Variants in HM13 observed in about 807,000 individuals in gnomAD.
The protein encoded by HM13 is histocompatibility minor 13, also known as signal peptide peptidase.
A neutral mutation model predicts 50.0 loss-of-function variants in HM13; 18 were observed. The ratio of observed to expected loss-of-function variants is 0.36; its 90% CI spans 0.25 to 0.53. The LOEUF is 0.53. Among genes scored for constraint, HM13 ranks in the 20% least tolerant of loss-of-function variants. HM13 has a pLI of 0.90. For synonymous variants in HM13, 197 were observed against 232.6 expected, an observed-to-expected ratio of 0.85 and a Z score of 1.39; for missense variants, 393 against 552.4, an observed-to-expected ratio of 0.71 and a Z score of 2.89.
At chr20:31,533,136 C>T (rs765157766) in intron 2 of HM13, among the ~76,000 whole-genome samples, 1 of 152,220 alleles carries the variant, frequency 6.6e-6, no homozygotes, top group Non-Finnish European at 1.5e-5. Flanking sequence ...CCCACCACAG[C>T]GGCTCTCCCT....
intron 1 of HM13, among the ~76,000 whole-genome samples, chr20:31,516,411 C>T (rs1981782140): frequency 6.6e-6 from 1 of 152,116 alleles, no homozygotes; most frequent in Non-Finnish European, 1.5e-5. Context: ...AGGTCAGAGC[C>T]CTGTCACCAA....
intron 9 of HM13, among the ~76,000 whole-genome samples, chr20:31,560,604 T>A (rs1409401156): frequency 6.6e-6 from 1 of 152,240 alleles, no homozygotes; most frequent in Admixed American, 6.5e-5. Context: ...TCTCTACTCC[T>A]GGCTGTTCAG....
Position 31,569,416 on chromosome 20 carries a change from A to C in HM13, c.*197A>C. Reference sequence around the variant, plus strand: ...TTGGCCCTCCTCTGCTCCTCCCCACACCCTGCAGGCAAAAGAAACCCCCAG... The same window carrying C: ...TTGGCCCTCCTCTGCTCCTCCCCACCCCCTGCAGGCAAAAGAAACCCCCAG... On this transcript the variant is annotated 3_prime_UTR_variant, in exon 13 of 13. Coordinates refer to ENST00000398174, the MANE Select transcript of HM13 (RefSeq NM_178581.3). The C allele has an allele frequency of 2.3e-6, 1 of 442,388 alleles. No homozygotes were observed. The highest frequency in any genetic ancestry group is 4.1e-6 in the Non-Finnish European group (1 of 241,622). The allele number at this position is 442,388 out of a possible 1,614,324, so 27.4% of individuals were successfully genotyped here.
At chr20:31,555,163 A>G (rs960134918) in intron 8 of HM13, among the ~76,000 whole-genome samples, 3 of 152,162 alleles carry the variant, frequency 2.0e-5, no homozygotes, top group African/African-American at 7.2e-5. Flanking sequence ...TTTCATGACA[A>G]TCTTAACAGA....
chr20:31,532,882 T>A (rs1269418914), intron 2 of HM13, among the ~76,000 whole-genome samples: 1 of 152,270 alleles, frequency 6.6e-6, no homozygotes, highest in Admixed American at 6.5e-5. Flanking sequence ...AAAAGGAATT[T>A]CTGGCAGCAA....
intron 3 of HM13, chr20:31,540,945 A>T (rs1427855170): frequency 6.6e-6 from 1 of 151,112 alleles, no homozygotes. Flanking sequence ...GCACCACTGC[A>T]CTCCAGCCTG....
intron 1 of HM13, among the ~76,000 whole-genome samples, chr20:31,518,518 C>T (rs1301774345): frequency 1.3e-5 from 2 of 151,042 alleles, no homozygotes; most frequent in Non-Finnish European, 3.0e-5. Flanking sequence ...TGGTGGGGCA[C>T]GCCTGTAATC....
chr20:31,519,457 C>G (rs746339349), intron 1 of HM13, among the ~76,000 whole-genome samples: 1 of 152,220 alleles, frequency 6.6e-6, no homozygotes, highest in Non-Finnish European at 1.5e-5. Context: ...CAGATCCAAT[C>G]ATGTCAGTAC....
chr20:31,514,815 C>A lies in HM13; in HGVS notation c.183+81C>A. 1 of 1,270,930 alleles carries A rather than the reference C, an allele frequency of 7.9e-7. No individual in the cohort carries two copies. Among genetic ancestry groups the A allele is most frequent in the Non-Finnish European group, 1.0e-6 (1 of 964,418 alleles). The allele number at this position is 1,270,930 out of a possible 1,614,324, so 78.7% of individuals were successfully genotyped here. On this transcript the variant is annotated intron_variant, in intron 1 of 12. Coordinates refer to ENST00000398174, the MANE Select transcript of HM13 (RefSeq NM_178581.3). This position sits in a 1 kb window ranked among gnomAD's most constrained non-coding sequence, Gnocchi z 4.3. ...ATGGACCCTTCCTAGGCGGGACAGA[C>A]ACCTCTCCCCGGACACTGACTCTTC...
At chr20:31,516,476 G>A (rs562402191) in intron 1 of HM13, among the ~76,000 whole-genome samples, 3 of 152,320 alleles carry the variant, frequency 2.0e-5, no homozygotes, top group African/African-American at 7.2e-5. Flanking sequence ...TATACTACAA[G>A]CAATGCTACA....
chr20:31,547,538 C>T, intron 4 of HM13: 1 of 850,392 alleles, frequency 1.2e-6, no homozygotes, highest in Non-Finnish European at 1.9e-6. Flanking sequence ...GAAAGTGTGT[C>T]CAACTGCATC....
chr20:31,518,771 T>C (rs1600607762), intron 1 of HM13, among the ~76,000 whole-genome samples: 1 of 152,134 alleles, frequency 6.6e-6, no homozygotes, highest in East Asian at 1.9e-4. Flanking sequence ...GGCGAGAGGA[T>C]AACTTGAGCC....
chr20:31,516,111 T>G (rs1981757706), intron 1 of HM13, among the ~76,000 whole-genome samples: 1 of 152,240 alleles, frequency 6.6e-6, no homozygotes, highest in African/African-American at 2.4e-5. Flanking sequence ...TTCCTTTTTA[T>G]TTGGCTTTTT....
At position 31,514,488 on chromosome 20, in the gene HM13, GTC is replaced by G. The variant is rs1352460064; in HGVS notation, c.-61_-60del. 2 of 1,534,478 alleles carry G rather than the reference GTC, an allele frequency of 1.3e-6. No homozygotes were observed. The highest frequency in any genetic ancestry group is 2.7e-5 in the African/African-American group (2 of 73,372). On this transcript the variant is annotated 5_prime_UTR_variant, in exon 1 of 13. Transcript: ENST00000398174. This position sits in a 1 kb window ranked among gnomAD's most constrained non-coding sequence, Gnocchi z 4.3. Reference sequence around the variant, plus strand: ...ACGTGGCTTTCCCTGCAGAGCCGGTGTCTCCGCCTGCGTCCCTGCTGCAGCAA... The same window carrying G: ...ACGTGGCTTTCCCTGCAGAGCCGGTGTCCGCCTGCGTCCCTGCTGCAGCAA...
At chr20:31,547,691 C>T in intron 4 of HM13, 2 of 1,370,254 alleles carry the variant, frequency 1.5e-6, no homozygotes, top group Non-Finnish European at 2.0e-6. Flanking sequence ...GAAATCCTTA[C>T]CGTAAGTGGG....
At chr20:31,542,852 C>T (rs1403009133) in intron 3 of HM13, among the ~76,000 whole-genome samples, 1 of 152,158 alleles carries the variant, frequency 6.6e-6, no homozygotes, top group Non-Finnish European at 1.5e-5. Context: ...AACAGTTGCA[C>T]AGAGCAGTTA....
Position 31,514,484 on chromosome 20 carries a change from C to G in HM13, c.-68C>G, listed in dbSNP as rs1328377283. 1.3e-6 allele frequency: 2 copies of G among 1,517,124 alleles called. No homozygotes were observed. Among genetic ancestry groups the G allele is most frequent in the South Asian group, 1.2e-5 (1 of 82,020 alleles). The allele number at this position is 1,517,124 out of a possible 1,614,324, so 94.0% of individuals were successfully genotyped here. A position where few individuals can be genotyped will look rare whatever the true frequency, so the allele number is the denominator to read the frequency against. The stretch of plus-strand genomic sequence containing the variant: ...GGGAACGTGGCTTTCCCTGCAGAGC[C>G]GGTGTCTCCGCCTGCGTCCCTGCTG... On this transcript the variant is annotated 5_prime_UTR_variant, in exon 1 of 13. Coordinates refer to ENST00000398174, the MANE Select transcript of HM13 (RefSeq NM_178581.3). This position sits in a 1 kb window ranked among gnomAD's most constrained non-coding sequence, Gnocchi z 4.3.
At chr20:31,554,570 T>C (rs1984204948) in intron 7 of HM13, 176 bp from the exon 8 acceptor site, 1 of 547,344 alleles carries the variant, frequency 1.8e-6, no homozygotes, top group Admixed American at 3.1e-5. Context: ...TAGTTCCAGC[T>C]ACTTGGGAGG....
intron 1 of HM13, among the ~76,000 whole-genome samples, chr20:31,525,942 A>G (rs1042391817): frequency 1.3e-5 from 2 of 151,916 alleles, no homozygotes; most frequent in African/African-American, 4.8e-5. Flanking sequence ...CCTGGCCGAC[A>G]TTGTGAAACC....
Sources: gnomAD v4.1 joint callset for allele counts (sites outside exome capture counted in the v4.1 genomes callset) on GRCh38, gnomAD v4.1.1 for gene constraint, Gnocchi (gnomAD v3.1) non-coding constraint, MANE v1.5 for transcripts, NCBI Gene and HGNC (gene_info 2026-07-23, HGNC 2026-07-21) for gene names.